Variants in HPSE2 observed in about 807,000 individuals in gnomAD.
The protein encoded by HPSE2 is inactive heparanase-2.
Under a neutral mutation model 60.5 loss-of-function variants are expected in HPSE2, and 38 were observed. That is an observed-to-expected ratio of 0.63 (90% confidence interval 0.48 to 0.82). HPSE2 has a LOEUF of 0.82. HPSE2 is among the 40% of genes least tolerant of loss of function. The pLI, the probability that HPSE2 is intolerant of heterozygous loss-of-function variation, is 0.00. For missense variants in HPSE2, 713 were observed against 740.4 expected, an observed-to-expected ratio of 0.96 and a Z score of 0.43; for synonymous variants, 295 against 293.2, an observed-to-expected ratio of 1.01 and a Z score of -0.06.
intron 5 of HPSE2, among the ~76,000 whole-genome samples, chr10:98,714,827 T>C (rs896368959): frequency 6.6e-6 from 1 of 151,868 alleles, no homozygotes; most frequent in African/African-American, 2.4e-5. Flanking sequence ...TTTTTCTACA[T>C]CCTCTCCAGT....
chr10:98,676,721 G>A (rs1263401159), intron 6 of HPSE2, among the ~76,000 whole-genome samples: 1 of 152,150 alleles, frequency 6.6e-6, no homozygotes, highest in African/African-American at 2.4e-5. Context: ...TCTAGGCCAT[G>A]AGACTCTACA....
intron 3 of HPSE2, among the ~76,000 whole-genome samples, chr10:98,886,771 T>C (rs1190497702): frequency 6.6e-6 from 1 of 152,002 alleles, no homozygotes; most frequent in Admixed American, 6.6e-5. Flanking sequence ...ACAGAGTAAA[T>C]GTCTTTAAAG....
chr10:98,991,290 T>G (rs1378555237), intron 3 of HPSE2, among the ~76,000 whole-genome samples: 1 of 152,136 alleles, frequency 6.6e-6, no homozygotes, highest in Non-Finnish European at 1.5e-5. Flanking sequence ...GGTATTTTAT[T>G]TAGACGGCCA....
intron 6 of HPSE2, among the ~76,000 whole-genome samples, chr10:98,688,297 A>G (rs954314787): frequency 3.9e-5 from 6 of 151,938 alleles, no homozygotes; most frequent in African/African-American, 1.5e-4. Flanking sequence ...CCCATAATAC[A>G]ATTTATATTT....
At chr10:99,029,220 G>A (rs1957443687) in intron 3 of HPSE2, among the ~76,000 whole-genome samples, 1 of 152,144 alleles carries the variant, frequency 6.6e-6, no homozygotes, top group Non-Finnish European at 1.5e-5. Flanking sequence ...GACAATATTT[G>A]CAAACTATCC....
intron 2 of HPSE2, among the ~76,000 whole-genome samples, chr10:99,221,262 C>T (rs1243219029): frequency 6.6e-6 from 1 of 152,044 alleles, no homozygotes; most frequent in Non-Finnish European, 1.5e-5. Context: ...AGAAGTTAAG[C>T]AACAACTAGA....
At chr10:99,281,505 T>G in the HPSE2 span, among the ~76,000 whole-genome samples, 1 of 152,010 alleles carries the variant, frequency 6.6e-6, no homozygotes, top group African/African-American at 2.4e-5. Context: ...AACTTATAAC[T>G]CCTAAAATTC....
At chr10:99,315,878 A>G in the HPSE2 span, among the ~76,000 whole-genome samples, 1 of 152,270 alleles carries the variant, frequency 6.6e-6, no homozygotes, top group South Asian at 2.1e-4. Context: ...TTCTTGGGAT[A>G]GTCCCTCCCC....
At chr10:98,707,971 G>A (rs1378864851) in intron 5 of HPSE2, among the ~76,000 whole-genome samples, 5 of 151,822 alleles carry the variant, frequency 3.3e-5, no homozygotes, top group Admixed American at 6.6e-5. Flanking sequence ...GGAGATCTAT[G>A]GAATAAAATT....
At chr10:98,641,501 C>T (rs1195831502) in intron 7 of HPSE2, among the ~76,000 whole-genome samples, 1 of 151,820 alleles carries the variant, frequency 6.6e-6, no homozygotes, top group African/African-American at 2.4e-5. Context: ...GCAGGTAAAT[C>T]GCTTGAACCC....
Position 98,819,457 on chromosome 10 carries a change from C to T in HPSE2, c.611-75401G>A, listed in dbSNP as rs561461336. Among the ~76,000 whole-genome samples, 11 of 150,154 alleles carry T rather than the reference C, an allele frequency of 7.3e-5. No individual in the cohort carries two copies. In the South Asian group the frequency reaches 2.3e-3, roughly 32 times the overall value. On this transcript the variant is annotated intron_variant, in intron 3 of 11. Transcript: ENST00000370552. ...TTTTTTTAACCAGTTCTCTTGGCCC[C>T]AGTTCACTTACTTGGAAGGGACTTC... is the stretch of plus-strand genomic sequence containing the variant.
chr10:99,237,687 C>T (rs753630158), upstream of HPSE2, among the ~76,000 whole-genome samples: 3 of 152,182 alleles, frequency 2.0e-5, no homozygotes, highest in Non-Finnish European at 4.4e-5. Context: ...GGCCTGTTTC[C>T]TTCAGTTCCT....
In HPSE2 at chr10:98,830,284, G is replaced by A. The variant is rs78042349; in HGVS notation, c.611-86228C>T. Among the ~76,000 whole-genome samples, 556 of 152,266 alleles carry A rather than the reference G, an allele frequency of 3.7e-3. 3 individuals are homozygous for A. Among genetic ancestry groups the A allele is most frequent in the African/African-American group, 0.013 (537 of 41,550 alleles). ...CAATAAACTCAATAGAGAGAAGGAG[G>A]AGGAAGATAATAAATGTGATGAAGA... On this transcript the variant is annotated intron_variant, in intron 3 of 11. Transcript: ENST00000370552.
At chr10:99,069,136 T>C (rs1186660992) in intron 3 of HPSE2, among the ~76,000 whole-genome samples, 1 of 152,144 alleles carries the variant, frequency 6.6e-6, no homozygotes, top group East Asian at 1.9e-4. Flanking sequence ...TCCCTGCGAG[T>C]ACTTCTAAAC....
At chr10:98,486,261 C>T (rs1390757550) in intron 10 of HPSE2, among the ~76,000 whole-genome samples, 1 of 152,144 alleles carries the variant, frequency 6.6e-6, no homozygotes, top group Non-Finnish European at 1.5e-5. Context: ...TATTCTCTGA[C>T]CACAGAAAAA....
chr10:98,757,633 T>C (rs1229925993), intron 3 of HPSE2, among the ~76,000 whole-genome samples: 7 of 151,654 alleles, frequency 4.6e-5, no homozygotes, highest in Non-Finnish European at 8.8e-5. Context: ...ACCAGAGAAA[T>C]GAAAGATCTC....
intron 3 of HPSE2, among the ~76,000 whole-genome samples, chr10:99,038,225 T>C (rs1957654149): frequency 6.6e-6 from 1 of 152,094 alleles, no homozygotes; most frequent in South Asian, 2.1e-4. Context: ...ATGCACACAA[T>C]TGCTCATAAT....
intron 3 of HPSE2, among the ~76,000 whole-genome samples, chr10:98,824,275 G>A (rs1320145158): frequency 6.6e-6 from 1 of 152,180 alleles, no homozygotes; most frequent in Non-Finnish European, 1.5e-5. Context: ...GGTGGTCATG[G>A]AAGGACCATC....
At chr10:98,970,223 A>G (rs1468378657) in intron 3 of HPSE2, among the ~76,000 whole-genome samples, 1 of 152,104 alleles carries the variant, frequency 6.6e-6, no homozygotes, top group African/African-American at 2.4e-5. Flanking sequence ...TCGGCCTCCC[A>G]AAGTGCTGGG....
Sources: allele counts gnomAD v4.1 joint callset (sites outside exome capture counted in the v4.1 genomes callset), GRCh38; gene constraint gnomAD v4.1.1; transcripts MANE v1.5; gene names NCBI Gene and HGNC (gene_info 2026-07-23, HGNC 2026-07-21).